Variants in ADAMTSL1 observed in about 807,000 individuals in gnomAD.
ADAMTSL1 encodes ADAMTS-like protein 1.
A neutral mutation model predicts 201.8 loss-of-function variants in ADAMTSL1; 126 were observed. That is an observed-to-expected ratio of 0.62 (90% CI 0.54 to 0.72). ADAMTSL1 has a LOEUF of 0.72. ADAMTSL1 is among the 30% of genes least tolerant of loss of function. The pLI, the probability that ADAMTSL1 is intolerant of heterozygous loss-of-function variation, is 0.00. For synonymous variants in ADAMTSL1, 1,121 were observed against 903.4 expected, an observed-to-expected ratio of 1.24 and a Z score of -4.32; for missense variants, 2,679 against 2,277.8, an observed-to-expected ratio of 1.18 and a Z score of -3.59.
chr9:18,598,110 C>T (rs762429676), intron 4 of ADAMTSL1, among the ~76,000 whole-genome samples: 1 of 152,154 alleles, frequency 6.6e-6, no homozygotes, highest in Non-Finnish European at 1.5e-5. Context: ...GTTAATAGAA[C>T]AACAAGGCCA....
chr9:18,108,957 A>G (rs1440707737), intron 1 of ADAMTSL1, among the ~76,000 whole-genome samples: 1 of 152,184 alleles, frequency 6.6e-6, no homozygotes, highest in Non-Finnish European at 1.5e-5. Context: ...TGATCGTGGT[A>G]TAAAATTATT....
chr9:18,798,237 A>G (rs937513705), intron 20 of ADAMTSL1, among the ~76,000 whole-genome samples: 35 of 152,314 alleles, frequency 2.3e-4, no homozygotes, highest in African/African-American at 7.9e-4. Context: ...AAAAGCAGGC[A>G]TAGCATGGCA....
intron 1 of ADAMTSL1, among the ~76,000 whole-genome samples, chr9:18,045,244 G>A (rs186713894): frequency 1.9e-4 from 29 of 152,252 alleles, no homozygotes; most frequent in African/African-American, 6.0e-4. Context: ...TCACAACTGA[G>A]TATATGTAGT....
At chr9:18,509,120 C>G (rs1489749879) in intron 2 of ADAMTSL1, among the ~76,000 whole-genome samples, 1 of 87,480 alleles carries the variant, frequency 1.1e-5, no homozygotes, top group East Asian at 2.9e-4. Context: ...GGAGGCGGAG[C>G]TTGCAGTGAG....
intron 2 of ADAMTSL1, among the ~76,000 whole-genome samples, chr9:18,282,373 T>C (rs1587462847): frequency 6.6e-6 from 1 of 152,356 alleles, no homozygotes; most frequent in South Asian, 2.1e-4. Flanking sequence ...GCAATGAACA[T>C]ACAAGTGCAG....
chr9:18,738,260 T>C (rs1818631339), intron 15 of ADAMTSL1, among the ~76,000 whole-genome samples: 1 of 152,182 alleles, frequency 6.6e-6, no homozygotes, highest in African/African-American at 2.4e-5. Context: ...ATCTTAGTCT[T>C]TAAAACTATG....
chr9:18,775,317 A>T (rs1431511450), intron 17 of ADAMTSL1, among the ~76,000 whole-genome samples: 1 of 152,250 alleles, frequency 6.6e-6, no homozygotes, highest in Non-Finnish European at 1.5e-5. Context: ...GAAGGAAGGA[A>T]AAAGGAATTA....
chr9:18,049,343 T>C (rs1264766244), intron 1 of ADAMTSL1, among the ~76,000 whole-genome samples: 1 of 152,196 alleles, frequency 6.6e-6, no homozygotes, highest in African/African-American at 2.4e-5. Flanking sequence ...AGCATGAAAA[T>C]TTGTCAGAAT....
intron 1 of ADAMTSL1, among the ~76,000 whole-genome samples, chr9:18,042,096 A>G (rs576165969): frequency 7.8e-4 from 67 of 86,104 alleles, no homozygotes; most frequent in Middle Eastern, 5.0e-3. Context: ...AATTGCTGGG[A>G]AAAAAAAAAA....
At chr9:18,557,801 T>C (rs944989850) in intron 3 of ADAMTSL1, among the ~76,000 whole-genome samples, 5 of 152,056 alleles carry the variant, frequency 3.3e-5, no homozygotes, top group Non-Finnish European at 7.4e-5. Context: ...GCAACTGCAA[T>C]CTCCATATTT....
chr9:18,024,223 A>G (rs2131589695), intron 1 of ADAMTSL1, among the ~76,000 whole-genome samples: 1 of 152,270 alleles, frequency 6.6e-6, no homozygotes, highest in Admixed American at 6.5e-5. Context: ...GTTTATATTA[A>G]CATAAAAGGA....
At chr9:18,361,138 T>A (rs1218125854) in intron 2 of ADAMTSL1, among the ~76,000 whole-genome samples, 2 of 152,152 alleles carry the variant, frequency 1.3e-5, no homozygotes, top group Admixed American at 1.3e-4. Flanking sequence ...GTCGACAGGT[T>A]TACATTTTAC....
intron 4 of ADAMTSL1, among the ~76,000 whole-genome samples, chr9:18,592,020 T>G (rs1480778644): frequency 6.6e-6 from 1 of 152,112 alleles, no homozygotes; most frequent in African/African-American, 2.4e-5. Context: ...TGAAGAAAAA[T>G]TGGGCCCTTT....
At chr9:18,471,151 C>T (rs935087627), upstream of ADAMTSL1, among the ~76,000 whole-genome samples, 6 of 152,192 alleles carry the variant, frequency 3.9e-5, no homozygotes, top group Non-Finnish European at 8.8e-5. Context: ...AAATAAGATA[C>T]TTTCCATCGT....
At chr9:18,094,144 T>G (rs563512386) in intron 1 of ADAMTSL1, among the ~76,000 whole-genome samples, 1 of 152,300 alleles carries the variant, frequency 6.6e-6, no homozygotes, top group Admixed American at 6.5e-5. Context: ...CTACCATTAT[T>G]GGTTGCCTGT....
At chr9:18,848,889 A>G (rs1456258300) in intron 23 of ADAMTSL1, among the ~76,000 whole-genome samples, 1 of 152,240 alleles carries the variant, frequency 6.6e-6, no homozygotes, top group Non-Finnish European at 1.5e-5. Context: ...CACTCGGGCC[A>G]TTCCCTTTGA....
chr9:18,848,760 C>G (rs182040911), intron 23 of ADAMTSL1, among the ~76,000 whole-genome samples: 29 of 152,248 alleles, frequency 1.9e-4, no homozygotes, highest in Non-Finnish European at 3.7e-4. Flanking sequence ...CTATAAGGCC[C>G]CTGTTGCGGG....
At chr9:18,632,004 A>G (rs1029993742) in intron 5 of ADAMTSL1, among the ~76,000 whole-genome samples, 4 of 152,212 alleles carry the variant, frequency 2.6e-5, no homozygotes, top group African/African-American at 9.6e-5. Context: ...GATGCACTCA[A>G]TCGTAAAACA....
chr9:18,680,627 T>A, intron 11 of ADAMTSL1, 111 bp downstream of exon 11: 1 of 1,197,758 alleles, frequency 8.3e-7, no homozygotes, highest in Non-Finnish European at 1.2e-6. Flanking sequence ...TTGAGGTGTC[T>A]AGAAGCCTAC....
Sources: gnomAD v4.1 joint callset for allele counts (sites outside exome capture counted in the v4.1 genomes callset) on GRCh38, gnomAD v4.1.1 for gene constraint, MANE v1.5 for transcripts, NCBI Gene and HGNC (gene_info 2026-07-23, HGNC 2026-07-21) for gene names.